The following SREBF2 variants were observed in gnomAD, a reference collection of about 807,000 sequenced individuals.
SREBF2 encodes sterol regulatory element binding transcription factor 2.
SREBF2 carries 55 observed loss-of-function variants against 113.1 expected under a neutral mutation model. The observed-to-expected ratio is 0.49, with a 90% CI of 0.39 to 0.61. The LOEUF is 0.61. Ranked by LOEUF, SREBF2 falls within the 20% of genes least tolerant of loss-of-function variation. The pLI, the probability that SREBF2 is intolerant of heterozygous loss-of-function variation, is 0.00. For synonymous variants in SREBF2, 593 were observed against 605.7 expected, an observed-to-expected ratio of 0.98 and a Z score of 0.31; for missense variants, 1,349 against 1,487.4, an observed-to-expected ratio of 0.91 and a Z score of 1.53.
At chr22:41,883,083 T>C (rs997519056) in intron 10 of SREBF2, among the ~76,000 whole-genome samples, 1 of 152,176 alleles carries the variant, frequency 6.6e-6, no homozygotes, top group East Asian at 1.9e-4. Flanking sequence ...TGCACATGCA[T>C]GCAGAGATGA....
chr22:41,907,039 A>G lies in SREBF2; in HGVS notation c.*1379A>G, dbSNP rs924223824. ...GGGTGCTCACAGCAGGGCCACCTTG[A>G]TGCAGGCTGGAATGTTATCCCTGGG... On this transcript the variant is annotated 3_prime_UTR_variant, in exon 19 of 19. Transcript: ENST00000361204. 30 of 152,336 alleles carry G rather than the reference A, an allele frequency of 2.0e-4. No homozygotes were observed. Among genetic ancestry groups the G allele is most frequent in the Admixed American group, 1.7e-3 (26 of 15,304 alleles). The allele number at this position is 152,336 out of a possible 1,614,324, so 9.4% of individuals were successfully genotyped here. A position where few individuals can be genotyped will look rare whatever the true frequency, so the allele number is the denominator to read the frequency against.
intron 1 of SREBF2, among the ~76,000 whole-genome samples, chr22:41,841,165 A>C (rs546133869): frequency 3.9e-5 from 6 of 152,236 alleles, no homozygotes; most frequent in Non-Finnish European, 7.4e-5. Context: ...CACCCCTAGG[A>C]GGTGGAGGTG....
intron 17 of SREBF2, among the ~76,000 whole-genome samples, chr22:41,903,822 A>G (rs1198740749): frequency 3.3e-5 from 5 of 152,174 alleles, no homozygotes; most frequent in Non-Finnish European, 7.4e-5. Flanking sequence ...CTTGGGATTC[A>G]GCCCCCACAC....
chr22:41,847,801 G>A (rs545917707), intron 1 of SREBF2, among the ~76,000 whole-genome samples: 1 of 152,320 alleles, frequency 6.6e-6, no homozygotes, highest in Non-Finnish European at 1.5e-5. Context: ...CATAGTAAGA[G>A]CTCAGCAAAT....
At chr22:41,840,365 T>C (rs1056806186) in intron 1 of SREBF2, among the ~76,000 whole-genome samples, 4 of 152,324 alleles carry the variant, frequency 2.6e-5, no homozygotes, top group Non-Finnish European at 4.4e-5. Flanking sequence ...CTGATGGCTA[T>C]GGTTTAGGTC....
chr22:41,843,034 T>C (rs2076843855), intron 1 of SREBF2, among the ~76,000 whole-genome samples: 1 of 152,012 alleles, frequency 6.6e-6, no homozygotes, highest in Non-Finnish European at 1.5e-5. Flanking sequence ...CCATACCATC[T>C]AGGTGTGTGT....
In SREBF2 at chr22:41,835,229, ATAG is replaced by A. The variant is rs2076759419; in HGVS notation, c.88+1872_88+1874del. ...CAGGCTGGAATGCAGTGGCACAATC[ATAG>A]CACAAACTCTTAGGCTCAAATGATC... is the stretch of plus-strand genomic sequence containing the variant. On this transcript the variant is annotated intron_variant, in intron 1 of 18. Coordinates refer to ENST00000361204, the MANE Select transcript of SREBF2 (RefSeq NM_004599.4). Among the ~76,000 whole-genome samples the A allele has an allele frequency of 2.6e-3, 185 of 70,210 alleles. 4 individuals are homozygous for A. Among genetic ancestry groups the A allele is most frequent in the Middle Eastern group, 5.3e-3 (1 of 188 alleles). 46.1% of individuals were successfully genotyped at this position (70,210 alleles called of 152,430 possible).
At chr22:41,851,074 T>G (rs1350158143) in intron 1 of SREBF2, among the ~76,000 whole-genome samples, 1 of 152,150 alleles carries the variant, frequency 6.6e-6, no homozygotes, top group African/African-American at 2.4e-5. Context: ...ATAATATTGG[T>G]CTCAGGGTTG....
intron 11 of SREBF2, among the ~76,000 whole-genome samples, chr22:41,889,899 G>C (rs910657539): frequency 1.3e-5 from 2 of 152,036 alleles, no homozygotes; most frequent in Admixed American, 6.6e-5. Context: ...TACTCGGAAG[G>C]CTGAGACAGA....
At chr22:41,904,618 T>C in intron 17 of SREBF2, 2 of 674,138 alleles carry the variant, frequency 3.0e-6, no homozygotes, top group Non-Finnish European at 5.6e-6. Flanking sequence ...TTGTCACCAG[T>C]TGGGAAAAGC....
At chr22:41,902,850 C>G in intron 16 of SREBF2, 120 bp from the exon 17 acceptor site, 1 of 1,131,234 alleles carries the variant, frequency 8.8e-7, no homozygotes, top group Admixed American at 2.0e-5. Context: ...CTCTGGGGCT[C>G]TCCACTTCCT....
At chr22:41,904,835 G>C in intron 17 of SREBF2, 28 bp from the exon 18 acceptor site, 1 of 1,541,342 alleles carries the variant, frequency 6.5e-7, no homozygotes, top group South Asian at 1.2e-5. Flanking sequence ...CCAGGGGTGT[G>C]ATGGATGTCA....
intron 5 of SREBF2, among the ~76,000 whole-genome samples, chr22:41,874,861 C>A (rs1304905781): frequency 6.6e-6 from 1 of 151,856 alleles, no homozygotes; most frequent in South Asian, 2.1e-4. Context: ...GATCTGAGAT[C>A]GCGCCATTGC....
At chr22:41,844,255 A>T (rs2076857763) in intron 1 of SREBF2, among the ~76,000 whole-genome samples, 1 of 152,114 alleles carries the variant, frequency 6.6e-6, no homozygotes, top group Non-Finnish European at 1.5e-5. Flanking sequence ...AAGGAAGAGG[A>T]CAGGACCTAA....
At chr22:41,882,740 A>C (rs1428515467) in intron 10 of SREBF2, among the ~76,000 whole-genome samples, 3 of 152,238 alleles carry the variant, frequency 2.0e-5, no homozygotes, top group African/African-American at 7.2e-5. Flanking sequence ...CAGGAGGTGG[A>C]GGTTGCAGTG....
intron 16 of SREBF2, among the ~76,000 whole-genome samples, chr22:41,902,513 ACTC>A (rs894943964): frequency 7.5e-5 from 11 of 146,750 alleles, no homozygotes; most frequent in South Asian, 4.4e-4. Flanking sequence ...TCCCTCTCCC[ACTC>A]CTCCTCCTCC....
intron 9 of SREBF2, 30 bp downstream of exon 9, chr22:41,878,153 T>TCC (rs1210853943): frequency 6.2e-7 from 1 of 1,612,152 alleles, no homozygotes; most frequent in South Asian, 1.1e-5. Flanking sequence ...TTCCCCATCC[T>TCC]CCCCCAGACT....
intron 10 of SREBF2, 82 bp from the exon 11 acceptor site, chr22:41,884,760 A>T: frequency 1.4e-6 from 2 of 1,480,292 alleles, no homozygotes; most frequent in South Asian, 2.3e-5. Flanking sequence ...TTCCTCTCTT[A>T]CTTTGATCGT....
intron 11 of SREBF2, among the ~76,000 whole-genome samples, chr22:41,889,401 A>G (rs2077333793): frequency 6.6e-6 from 1 of 152,074 alleles, no homozygotes; most frequent in African/African-American, 2.4e-5. Context: ...TGCTGGGATT[A>G]TAGGCATGCA....
Sources: allele counts gnomAD v4.1 joint callset (sites outside exome capture counted in the v4.1 genomes callset), GRCh38; gene constraint gnomAD v4.1.1; transcripts MANE v1.5; gene names NCBI Gene and HGNC (gene_info 2026-07-23, HGNC 2026-07-21).